Variants in MYO1A observed in about 807,000 individuals in gnomAD.
The protein encoded by MYO1A is unconventional myosin-Ia.
A neutral mutation model predicts 138.5 loss-of-function variants in MYO1A; 127 were observed. The ratio of observed to expected loss-of-function variants is 0.92; its 90% CI spans 0.79 to 1.06. The LOEUF is 1.06. MYO1A is among the 50% of genes least tolerant of loss of function. MYO1A has a pLI of 0.00. For synonymous variants in MYO1A, 477 were observed against 497.5 expected (o/e 0.96, Z 0.55); for missense variants, 1,211 against 1,288.8 (o/e 0.94, Z 0.92).
chr12:57,043,492 C>A, intron 10 of MYO1A, 134 bp from the exon 11 acceptor site: 1 of 856,762 alleles, frequency 1.2e-6, no homozygotes. Context: ...GCAGCCAACC[C>A]AGAACATGGC....
chr12:57,048,121 G>A lies in MYO1A; in HGVS notation c.115-17C>T, dbSNP rs781766340. The A allele has an allele frequency of 6.2e-7, 1 of 1,610,684 alleles. No homozygotes were observed. Among genetic ancestry groups the A allele is most frequent in the Non-Finnish European group, 8.5e-7 (1 of 1,176,826 alleles). On this transcript the variant is annotated splice_polypyrimidine_tract_variant and intron_variant, in intron 2 of 27. Coordinates refer to ENST00000300119, the MANE Select transcript of MYO1A (RefSeq NM_005379.4). ...AATGTAGGTCTGGAGCCAGGAAGAA[G>A]GTGAAGGGAATGAGCTTGAGGGTGA...
At position 57,038,879 on chromosome 12, in the gene MYO1A, T is replaced by C. The variant is rs778577155; in HGVS notation, c.1463A>G (p.Gln488Arg). The part of the protein sequence containing the change: ...KHGHYESKVT[Q>R]NAQRQYDHTM... ...GTGGTCATACTGACGCTGGGCATTC[T>C]GGGTGACTTTGCTCTCGTAGTGGCC... The change falls in exon 16 of 28, where the codon CAG becomes CGG. Residue 488 changes from glutamine (Q) to arginine (R), a missense_variant. Gln to Arg is a conservative substitution (Grantham distance 43). Transcript: ENST00000300119. 1.2e-6 allele frequency: 2 copies of C among 1,614,234 alleles called. No individual in the cohort carries two copies. Among genetic ancestry groups the C allele is most frequent in the African/African-American group, 1.3e-5 (1 of 75,060 alleles).
chr12:57,046,403 G>A lies in MYO1A; in HGVS notation c.640+149C>T, dbSNP rs145929195. 2,712 of 712,462 alleles carry A rather than the reference G, an allele frequency of 3.8e-3. 10 individuals are homozygous for A. The highest frequency in any genetic ancestry group is 5.6e-3 in the Non-Finnish European group (2,183 of 391,452). 44.1% of individuals were successfully genotyped at this position (712,462 alleles called of 1,614,324 possible). A position where few individuals can be genotyped will look rare whatever the true frequency, so the allele number is the denominator to read the frequency against. ...CCCAACAATGAGTGGGTGAGGCTGA[G>A]AATGGGAAATGCAGCAAGGAAAATC... is the stretch of plus-strand genomic sequence containing the variant. On this transcript the variant is annotated intron_variant, in intron 8 of 27. Coordinates refer to ENST00000300119, the MANE Select transcript of MYO1A (RefSeq NM_005379.4).
At position 57,046,651 on chromosome 12, in the gene MYO1A, C is replaced by G. The variant is rs1796467065; in HGVS notation, c.542-1G>C. 3 of 1,613,454 alleles carry G rather than the reference C, an allele frequency of 1.9e-6. No homozygotes were observed. Among genetic ancestry groups the G allele is most frequent in the Non-Finnish European group, 2.5e-6 (3 of 1,179,412 alleles). On this transcript the variant is annotated splice_acceptor_variant, in intron 7 of 27. Transcript: ENST00000300119. LOFTEE classifies it high-confidence loss of function. ...ACTAATCGGGATTTCTCAAGCAGAT[C>G]TGGCAGAGAATTAGAAAAATAATAT...
At chr12:57,035,118 T>G (rs1048889800) in intron 22 of MYO1A, among the ~76,000 whole-genome samples, 4 of 152,166 alleles carry the variant, frequency 2.6e-5, no homozygotes, top group Admixed American at 6.5e-5. Context: ...TGTGATTTAT[T>G]GAGACCCTGG....
intron 8 of MYO1A, 121 bp from the exon 9 acceptor site, chr12:57,044,330 G>T: frequency 1.3e-6 from 1 of 799,144 alleles, no homozygotes; most frequent in Non-Finnish European, 2.1e-6. Flanking sequence ...AGTCATTTTT[G>T]TTTTGGGTTC....
Position 57,046,572 on chromosome 12 carries a change from C to T in MYO1A, c.620G>A (p.Gly207Glu). 6.2e-7 allele frequency: 1 copy of T among 1,613,900 alleles called. No homozygotes were observed. The highest frequency in any genetic ancestry group is 1.3e-5 in the African/African-American group (1 of 75,008). ...NFHIFYQLLAGADEQLLKALK... is the reference protein window; with the variant it reads ...NFHIFYQLLAEADEQLLKALK... ...CATACTCAGCAGCTGTTCATCTGCT[C>T]CAGCCAGCAGCTGATAGAAGATGTG... The change falls in exon 8 of 28, where the codon GGA becomes GAA. Residue 207 changes from glycine to glutamate, a missense_variant. Gly to Glu is a moderately conservative substitution (Grantham distance 98, BLOSUM62 -2). Transcript: ENST00000300119.
intron 18 of MYO1A, 88 bp downstream of exon 18, chr12:57,037,781 G>T: frequency 6.6e-7 from 1 of 1,506,586 alleles, no homozygotes; most frequent in Non-Finnish European, 9.2e-7. Flanking sequence ...AGCTTCAGCA[G>T]ATGTGCACTG....
chr12:57,038,213 C>A, intron 17 of MYO1A, 144 bp from the exon 18 acceptor site: 4 of 1,122,158 alleles, frequency 3.6e-6, no homozygotes, highest in Non-Finnish European at 5.2e-6. Context: ...CAGTTTCACT[C>A]ACTTCTATGT....
chr12:57,043,717 G>T, intron 10 of MYO1A, 139 bp downstream of exon 10: 1 of 1,126,084 alleles, frequency 8.9e-7, no homozygotes, highest in Non-Finnish European at 1.3e-6. Context: ...CAGTGAGTCT[G>T]TTTAGGGGAG....
Position 57,028,563 on chromosome 12 carries a change from G to A in MYO1A, c.*192C>T, listed in dbSNP as rs886049694. 7.5e-6 allele frequency: 5 copies of A among 669,350 alleles called. No homozygotes were observed. The highest frequency in any genetic ancestry group is 4.0e-5 in the South Asian group (2 of 49,988). The allele number at this position is 669,350 out of a possible 1,614,324, so 41.5% of individuals were successfully genotyped here. ...TTTTATTAGTGTGCAGAGAGGCTGC[G>A]GGTTGGAGGAAGCTACTTTTGGAGG... On this transcript the variant is annotated 3_prime_UTR_variant, in exon 28 of 28. Coordinates refer to ENST00000300119, the MANE Select transcript of MYO1A (RefSeq NM_005379.4).
Position 57,044,095 on chromosome 12 carries a change from TG to T in MYO1A, c.744+10del. On this transcript the variant is annotated intron_variant, in intron 9 of 27. Coordinates refer to ENST00000300119, the MANE Select transcript of MYO1A (RefSeq NM_005379.4). ...CTAAGGGCCCAAGCCTGCCTCACCC[TG>T]GGCACCCACCTGTACAGCCCTGAAG... 6.2e-7 allele frequency: 1 copy of T among 1,614,186 alleles called. No homozygotes were observed. The highest frequency in any genetic ancestry group is 8.5e-7 in the Non-Finnish European group (1 of 1,180,008).
chr12:57,041,049 A>C, intron 14 of MYO1A, 135 bp downstream of exon 14: 1 of 710,882 alleles, frequency 1.4e-6, no homozygotes, highest in Non-Finnish European at 2.5e-6. Flanking sequence ...ATGATCTACT[A>C]TGCAAGGGAA....
intron 14 of MYO1A, 184 bp from the exon 15 acceptor site, chr12:57,039,458 T>C: frequency 1.6e-6 from 1 of 637,844 alleles, no homozygotes; most frequent in Non-Finnish European, 2.9e-6. Context: ...ATTTGTGGGG[T>C]GGGTAGACAG....
In MYO1A at chr12:57,047,083, C is replaced by T. The variant is rs761072247; in HGVS notation, c.455G>A (p.Arg152His). ...LEAFGNAKTI[R>H]NNNSSRFGKY... is the part of the protein sequence containing the mutation. ...CACAAATCGGGAGGAATTGTTGTTGCGAATGGTCTTGGCATTGCCAAAAGC... is the reference window on the plus strand; with the variant it reads ...CACAAATCGGGAGGAATTGTTGTTGTGAATGGTCTTGGCATTGCCAAAAGC... The change falls in exon 6 of 28, where the codon CGC becomes CAC. Residue 152 changes from arginine (R) to histidine (H), a missense_variant. Transcript: ENST00000300119. 1.5e-5 allele frequency: 25 copies of T among 1,613,946 alleles called. No homozygotes were observed. Among genetic ancestry groups the T allele is most frequent in the South Asian group, 3.3e-5 (3 of 91,074 alleles).
intron 14 of MYO1A, among the ~76,000 whole-genome samples, chr12:57,039,766 G>C (rs138995861): frequency 6.6e-6 from 1 of 152,098 alleles, no homozygotes; most frequent in Non-Finnish European, 1.5e-5. Flanking sequence ...CCACCTGGAG[G>C]GCTGTTAAAA....
chr12:57,038,832 G>A lies in MYO1A; in HGVS notation c.1510C>T (p.Arg504Cys), dbSNP rs542991341. The A allele has an allele frequency of 1.7e-5, 28 of 1,614,038 alleles. No individual in the cohort carries two copies. The South Asian group carries it at 1.9e-4, about 11-fold the overall frequency. Residue 504 changes from arginine to cysteine, a missense_variant, in exon 16 of 28, where the codon CGC (arginine) becomes TGC (cysteine). Transcript: ENST00000300119. The part of the protein sequence containing the change: ...YDHTMGLSCF[R>C]ICHYAGKVTY... ...ACCTTGCCCGCATAGTGGCAGATGC[G>A]GAAGCAGCTGAGGCCCATGGTGTGG...
chr12:57,036,500 A>C (rs1251694284), intron 21 of MYO1A, 119 bp from the exon 22 acceptor site: 1 of 1,107,026 alleles, frequency 9.0e-7, no homozygotes, highest in Non-Finnish European at 1.4e-6. Flanking sequence ...CTGTAGCTGG[A>C]AGTTGGAAGT....
chr12:57,030,002 A>T lies in MYO1A; in HGVS notation c.2592-130T>A, dbSNP rs555662122. The T allele has an allele frequency of 8.8e-6, 13 of 1,477,624 alleles. No homozygotes were observed. The South Asian group carries it at 1.4e-4, about 16-fold the overall frequency. 91.5% of individuals were successfully genotyped at this position (1,477,624 alleles called of 1,614,324 possible). ...TATCCTCTGTCAGTGTCCACAGAGC[A>T]CAGTCCAGGACCAAGACATCAGCAC... On this transcript the variant is annotated intron_variant, in intron 24 of 27. Transcript: ENST00000300119.
Sources: gnomAD v4.1 joint callset for allele counts (sites outside exome capture counted in the v4.1 genomes callset) on GRCh38, gnomAD v4.1.1 for gene constraint, MANE v1.5 for transcripts, NCBI Gene and HGNC (gene_info 2026-07-23, HGNC 2026-07-21) for gene names.